ACLY: variants seen among roughly 807,000 people sequenced by gnomAD.
ACLY encodes ATP-citrate synthase.
Under a neutral mutation model 133.0 loss-of-function variants are expected in ACLY, and 41 were observed. The observed-to-expected ratio is 0.31, with a 90% CI of 0.24 to 0.40. The LOEUF (loss-of-function observed/expected upper bound fraction) is 0.40. ACLY is among the 10% of genes least tolerant of loss of function. The probability of loss-of-function intolerance (pLI) is 1.00; values close to 1 mark genes in which losing one functional copy is unlikely to be tolerated. For missense variants in ACLY, 1,046 were observed against 1,453.8 expected (o/e 0.72, Z 4.56); for synonymous variants, 495 against 549.3 (o/e 0.90, Z 1.38).
At chr17:41,928,227 G>T (rs1220026066) in intron 1 of ACLY, among the ~76,000 whole-genome samples, 1 of 152,162 alleles carries the variant, frequency 6.6e-6, no homozygotes, top group Non-Finnish European at 1.5e-5. Flanking sequence ...AAGGATCAAG[G>T]TTTTTTATTT....
In ACLY at chr17:41,879,693, G is replaced by A. The variant is rs1791633994; in HGVS notation, c.2266-769C>T. Among the ~76,000 whole-genome samples, 14 of 78,816 alleles carry A rather than the reference G, an allele frequency of 1.8e-4. 1 individual carries two copies. The South Asian group carries it at 7.8e-3, about 44-fold the overall frequency. 51.7% of individuals were successfully genotyped at this position (78,816 alleles called of 152,430 possible). On this transcript the variant is annotated intron_variant, in intron 20 of 28. Transcript: ENST00000352035. ...AAAAAAAAAAAAAAAAAAAAGAAGT[G>A]CTAAATGGTGTCTGTGTCTTTTCTT...
intron 11 of ACLY, among the ~76,000 whole-genome samples, chr17:41,900,069 C>CAAAAAAAAAAAAAAAAAAA (rs60296550): frequency 2.1e-5 from 1 of 46,632 alleles, no homozygotes; most frequent in East Asian, 6.4e-4. Flanking sequence ...ACCCTGTCTC[C>CAAAAAAAAAAAAAAAAAAA]AAAAAAAAAA....
intron 1 of ACLY, among the ~76,000 whole-genome samples, chr17:41,927,083 G>C (rs1476236037): frequency 1.3e-5 from 2 of 151,288 alleles, no homozygotes; most frequent in Admixed American, 6.6e-5. Context: ...GGTCAGGCTG[G>C]TCTTGAACTC....
At chr17:41,906,080 C>T (rs2049706970) in intron 8 of ACLY, among the ~76,000 whole-genome samples, 1 of 152,014 alleles carries the variant, frequency 6.6e-6, no homozygotes, top group Non-Finnish European at 1.5e-5. Context: ...GTCTACCATG[C>T]TTAAAGTGAA....
intron 1 of ACLY, among the ~76,000 whole-genome samples, chr17:41,914,577 C>T (rs1450141726): frequency 6.6e-6 from 1 of 152,168 alleles, no homozygotes; most frequent in African/African-American, 2.4e-5. Flanking sequence ...CACTAGCCTC[C>T]CAATCCTGAG....
intron 26 of ACLY, 67 bp downstream of exon 26, chr17:41,869,407 C>T (rs1218189575): frequency 1.8e-5 from 23 of 1,285,586 alleles, no homozygotes; most frequent in South Asian, 4.9e-5. Context: ...CAAAATGTAA[C>T]GTGGCTCCTG....
At chr17:41,881,116 T>C (rs1413028567) in intron 20 of ACLY, among the ~76,000 whole-genome samples, 1 of 149,578 alleles carries the variant, frequency 6.7e-6, no homozygotes, top group African/African-American at 2.5e-5. Context: ...AGCAATGGAG[T>C]TGGGGGAGAG....
At chr17:41,896,573 G>A (rs2049372485) in intron 14 of ACLY, 47 bp downstream of exon 14, 13 of 1,511,744 alleles carry the variant, frequency 8.6e-6, no homozygotes, top group African/African-American at 2.8e-5. Flanking sequence ...ACTGTCACCC[G>A]CTAACAAAGC....
At chr17:41,901,411 C>T (rs1464761757) in intron 11 of ACLY, among the ~76,000 whole-genome samples, 3 of 152,168 alleles carry the variant, frequency 2.0e-5, no homozygotes, top group African/African-American at 7.2e-5. Flanking sequence ...GCTGTCTGTC[C>T]ATTTGTGGCT....
chr17:41,901,858 A>T (rs1555631692), intron 10 of ACLY, 45 bp from the exon 11 acceptor site: 1 of 1,416,856 alleles, frequency 7.1e-7, no homozygotes, highest in Admixed American at 2.1e-5. Flanking sequence ...GGCAGCCACA[A>T]GTCAATGATT....
At chr17:41,920,157 C>T (rs1555635266), upstream of ACLY, among the ~76,000 whole-genome samples, 1 of 152,222 alleles carries the variant, frequency 6.6e-6, no homozygotes, top group East Asian at 1.9e-4. Context: ...AGACCCCCTC[C>T]CCCAATCCTG....
chr17:41,892,161 C>CG, intron 16 of ACLY, 118 bp downstream of exon 16: 2 of 1,003,534 alleles, frequency 2.0e-6, no homozygotes, highest in South Asian at 3.6e-5. Context: ...GCAGCAGTGA[C>CG]GGGACATCAA....
At chr17:41,891,030 T>G (rs879969612) in intron 16 of ACLY, among the ~76,000 whole-genome samples, 32 of 152,160 alleles carry the variant, frequency 2.1e-4, no homozygotes, top group Admixed American at 5.2e-4. Flanking sequence ...TCCTGATTTG[T>G]TTTTTTGTTT....
chr17:41,876,270 G>A lies in ACLY; in HGVS notation c.2487+1833C>T, dbSNP rs1258046235. Among the ~76,000 whole-genome samples the A allele has an allele frequency of 4.0e-5, 6 of 150,006 alleles. No homozygotes were observed. The East Asian group carries it at 8.0e-4, about 20-fold the overall frequency. On this transcript the variant is annotated intron_variant, in intron 22 of 28. Transcript: ENST00000352035. ...GGGTCAGCCCCCCGCCCGGCCAGCC[G>A]CCCCGTCCGGGAGGGAGGTGGGGGG...
In ACLY at chr17:41,886,300, G is replaced by A; in HGVS notation, c.1884C>T (p.Gly628=). 1 of 1,605,040 alleles carries A rather than the reference G, an allele frequency of 6.2e-7. No individual in the cohort carries two copies. Among genetic ancestry groups the A allele is most frequent in the Non-Finnish European group, 8.5e-7 (1 of 1,172,646 alleles). The change falls in exon 18 of 29, where the codon GGC becomes GGT. Residue 628 remains glycine (G), a synonymous_variant. Coordinates refer to ENST00000352035, the MANE Select transcript of ACLY (RefSeq NM_001096.3). The part of the protein sequence containing the change: ...VTIIGPATVG[G]IKPGCFKIGN... ...CAATCTTAAAGCACCCAGGCTTGATGCCTCCAACCTGTGGGGGCAGAAACC... is the reference window on the plus strand; with the variant it reads ...CAATCTTAAAGCACCCAGGCTTGATACCTCCAACCTGTGGGGGCAGAAACC...
chr17:41,896,740 G>A (rs1273786454), intron 13 of ACLY, 91 bp from the exon 14 acceptor site: 2 of 1,240,128 alleles, frequency 1.6e-6, no homozygotes, highest in African/African-American at 3.1e-5. Flanking sequence ...GGGTCCCATG[G>A]ACAAGCCTTT....
At chr17:41,878,677 G>T in intron 21 of ACLY, 120 bp downstream of exon 21, 2 of 1,267,768 alleles carry the variant, frequency 1.6e-6, no homozygotes, top group Non-Finnish European at 2.2e-6. Context: ...CATCCATACA[G>T]CTGCGCTAGA....
At chr17:41,887,492 T>C in intron 17 of ACLY, 107 bp downstream of exon 17, 1 of 903,584 alleles carries the variant, frequency 1.1e-6, no homozygotes, top group Non-Finnish European at 1.8e-6. Flanking sequence ...TCCTGAATCT[T>C]CTCAACCTAG....
At chr17:41,912,099 G>C (rs1218053081) in intron 3 of ACLY, among the ~76,000 whole-genome samples, 3 of 146,412 alleles carry the variant, frequency 2.0e-5, no homozygotes, top group African/African-American at 7.6e-5. Flanking sequence ...GGGCTACAGA[G>C]CAAGACCCTG....
Sources: gnomAD v4.1 joint callset for allele counts (sites outside exome capture counted in the v4.1 genomes callset) on GRCh38, gnomAD v4.1.1 for gene constraint, MANE v1.5 for transcripts, NCBI Gene and HGNC (gene_info 2026-07-23, HGNC 2026-07-21) for gene names.